The following CEP83 variants were observed in gnomAD, a reference collection of about 807,000 sequenced individuals.
CEP83 encodes the protein centrosomal protein 83, also known as centrosomal protein of 83 kDa.
In CEP83, 70 loss-of-function variants were observed where a neutral mutation model predicts 101.9. The observed-to-expected ratio is 0.69, with a 90% CI of 0.57 to 0.84. CEP83 has a LOEUF of 0.84. Ranked by LOEUF, CEP83 falls within the 40% of genes least tolerant of loss-of-function variation. CEP83 has a pLI of 0.00. For synonymous variants in CEP83, 264 were observed against 267.9 expected (o/e 0.99, Z 0.14); for missense variants, 715 against 787.2 (o/e 0.91, Z 1.10).
At chr12:94,286,686 G>T in the CEP83 span, among the ~76,000 whole-genome samples, 6,856 of 145,492 alleles carry the variant, frequency 0.047, 211 homozygotes, top group Non-Finnish European at 0.073. Context: ...AAGTGAATCA[G>T]ACTCACCTCC....
intron 14 of CEP83, among the ~76,000 whole-genome samples, chr12:94,323,828 T>C (rs1261682766): frequency 6.6e-6 from 1 of 152,238 alleles, no homozygotes; most frequent in African/African-American, 2.4e-5. Flanking sequence ...TGCAGAATTT[T>C]TATAGATACC....
chr12:94,337,984 G>A (rs1367394991), intron 11 of CEP83, among the ~76,000 whole-genome samples: 1 of 152,078 alleles, frequency 6.6e-6, no homozygotes, highest in African/African-American at 2.4e-5. Flanking sequence ...AGGAAGCAAG[G>A]GAGCCAGGTT....
At chr12:94,418,770 G>A (rs2064486804) in intron 2 of CEP83, among the ~76,000 whole-genome samples, 1 of 152,048 alleles carries the variant, frequency 6.6e-6, no homozygotes, top group South Asian at 2.1e-4. Context: ...TGTAATAAAT[G>A]CCACTAAATT....
intron 6 of CEP83, among the ~76,000 whole-genome samples, chr12:94,391,095 G>A (rs890049771): frequency 2.6e-5 from 4 of 152,130 alleles, no homozygotes; most frequent in Non-Finnish European, 5.9e-5. Flanking sequence ...TAGCAAGGCA[G>A]GCCAACATTC....
At chr12:94,373,256 T>C (rs1376563233) in intron 8 of CEP83, among the ~76,000 whole-genome samples, 1 of 152,194 alleles carries the variant, frequency 6.6e-6, no homozygotes, top group Non-Finnish European at 1.5e-5. Context: ...TTCTGGCCTT[T>C]ATGTTGTGAA....
At chr12:94,290,253 AT>A in the CEP83 span, among the ~76,000 whole-genome samples, 1 of 152,250 alleles carries the variant, frequency 6.6e-6, no homozygotes, top group African/African-American at 2.4e-5. Flanking sequence ...GTGGGGAGGA[AT>A]TTTGTAACTA....
chr12:94,287,145 G>C, the CEP83 span, among the ~76,000 whole-genome samples: 3 of 152,220 alleles, frequency 2.0e-5, no homozygotes, highest in Admixed American at 2.0e-4. Flanking sequence ...TCCATCTGAT[G>C]AACACAGAGG....
At chr12:94,396,248 A>G (rs2062883393) in intron 6 of CEP83, among the ~76,000 whole-genome samples, 1 of 149,772 alleles carries the variant, frequency 6.7e-6, no homozygotes. Flanking sequence ...CCCAGACTTA[A>G]TATGTTCTTA....
the CEP83 span, among the ~76,000 whole-genome samples, chr12:94,283,384 G>A: frequency 6.6e-6 from 1 of 152,192 alleles, no homozygotes; most frequent in Non-Finnish European, 1.5e-5. Flanking sequence ...AAGGAGGGCA[G>A]TGACAGCTGA....
the CEP83 span, among the ~76,000 whole-genome samples, chr12:94,267,069 G>A: frequency 6.6e-6 from 1 of 152,220 alleles, no homozygotes; most frequent in Non-Finnish European, 1.5e-5. Flanking sequence ...CTCACCTTTC[G>A]CTGATCCTGG....
In CEP83 at chr12:94,376,023, A is replaced by C. The variant is rs762005972; in HGVS notation, c.802-6T>G. Reference sequence around the variant, plus strand: ...TTAGCTGATTGTTTTTCAGCCTTTCATACAAACAAAATAGTTTAAAATTCA... The same window carrying C: ...TTAGCTGATTGTTTTTCAGCCTTTCCTACAAACAAAATAGTTTAAAATTCA... On this transcript the variant is annotated splice_region_variant and splice_polypyrimidine_tract_variant and intron_variant, in intron 7 of 16. Coordinates refer to ENST00000397809, the MANE Select transcript of CEP83 (RefSeq NM_016122.3). The C allele has an allele frequency of 2.0e-6, 3 of 1,531,362 alleles. No homozygotes were observed. Among genetic ancestry groups the C allele is most frequent in the South Asian group, 2.6e-5 (2 of 76,166 alleles). 94.9% of individuals were successfully genotyped at this position (1,531,362 alleles called of 1,614,324 possible).
intron 1 of CEP83, among the ~76,000 whole-genome samples, chr12:94,448,843 C>T (rs1246445925): frequency 6.6e-6 from 1 of 151,552 alleles, no homozygotes; most frequent in African/African-American, 2.4e-5. Context: ...AGGTCTCAAA[C>T]CAATAATCTA....
chr12:94,265,926 A>C, the CEP83 span, among the ~76,000 whole-genome samples: 1 of 152,176 alleles, frequency 6.6e-6, no homozygotes, highest in African/African-American at 2.4e-5. Context: ...AGAGGGAGCC[A>C]AGCAGGGAAG....
the CEP83 span, among the ~76,000 whole-genome samples, chr12:94,277,498 G>A: frequency 0.11 from 17,299 of 152,168 alleles, 1,103 homozygotes; most frequent in Admixed American, 0.16. Flanking sequence ...AGAACTGTGC[G>A]GTTACTGTTG....
At chr12:94,317,130 G>A (rs1224051706) in intron 14 of CEP83, among the ~76,000 whole-genome samples, 1 of 152,056 alleles carries the variant, frequency 6.6e-6, no homozygotes, top group Non-Finnish European at 1.5e-5. Flanking sequence ...GGTGTAAGAT[G>A]GTATCTCATT....
intron 1 of CEP83, among the ~76,000 whole-genome samples, chr12:94,451,569 T>C (rs2067257830): frequency 6.6e-6 from 1 of 151,448 alleles, no homozygotes; most frequent in Non-Finnish European, 1.5e-5. Flanking sequence ...CCAACATTAC[T>C]GTGCAGGGAA....
intron 13 of CEP83, among the ~76,000 whole-genome samples, chr12:94,332,920 T>C (rs907545602): frequency 1.3e-5 from 2 of 151,672 alleles, no homozygotes; most frequent in African/African-American, 2.4e-5. Flanking sequence ...AAATACAAAA[T>C]AGTACAGTGT....
Position 94,335,614 on chromosome 12 carries a change from T to C in CEP83, c.1394A>G (p.Lys465Arg). ...CTGTTTTAGGTCAGAATTTTCATTT[T>C]TTTCCTTCTCTGCATTTTCAATAGT... ...IVTIENAEKE[K>R]NENSDLKQQI... The change falls in exon 12 of 17, where the codon AAA becomes AGA. Residue 465 changes from lysine (K) to arginine (R), a missense_variant. Transcript: ENST00000397809. 1 of 1,586,876 alleles carries C rather than the reference T, an allele frequency of 6.3e-7. No individual in the cohort carries two copies. Among genetic ancestry groups the C allele is most frequent in the South Asian group, 1.2e-5 (1 of 86,504 alleles).
chr12:94,356,498 G>A (rs369016174), intron 11 of CEP83, among the ~76,000 whole-genome samples: 4 of 152,284 alleles, frequency 2.6e-5, no homozygotes, highest in Non-Finnish European at 4.4e-5. Flanking sequence ...CGCCTCGAGC[G>A]ATGGCTCTTA....
Sources: allele counts gnomAD v4.1 joint callset (sites outside exome capture counted in the v4.1 genomes callset), GRCh38; gene constraint gnomAD v4.1.1; transcripts MANE v1.5; gene names NCBI Gene and HGNC (gene_info 2026-07-23, HGNC 2026-07-21).